CALHM3: variants seen among roughly 807,000 people sequenced by gnomAD.
The protein encoded by CALHM3 is calcium homeostasis modulator protein 3.
CALHM3 carries 9 observed loss-of-function variants against 13.6 expected under a neutral mutation model. The ratio of observed to expected loss-of-function variants is 0.66; its 90% CI spans 0.40 to 1.15. The LOEUF is 1.15. Ranked by LOEUF, CALHM3 falls within the 50% of genes most tolerant of loss-of-function variation. The probability of loss-of-function intolerance (pLI) is 0.01; values close to 1 mark genes in which losing one functional copy is unlikely to be tolerated. For missense variants in CALHM3, 497 were observed against 463.4 expected, an observed-to-expected ratio of 1.07 and a Z score of -0.67; for synonymous variants, 231 against 213.2, an observed-to-expected ratio of 1.08 and a Z score of -0.73.
chr10:103,473,668 C>G lies in CALHM3; in HGVS notation c.580G>C (p.Ala194Pro), dbSNP rs1212080204. The stretch of plus-strand genomic sequence containing the variant: ...CTCAGGCAGCGGGCCAGGAAGGCCG[C>G]GATGATCAGCAGCAGGGTGACGCTC... The part of the protein sequence containing the change: ...GWSVTLLLII[A>P]AFLARCLRPC... The change falls in exon 3 of 3, where the codon GCG becomes CCG. Residue 194 changes from alanine (A) to proline (P), a missense_variant. By Grantham distance (27) the Ala-to-Pro change is conservative. Coordinates refer to ENST00000369783, the MANE Select transcript of CALHM3 (RefSeq NM_001129742.2). 1.3e-6 allele frequency: 2 copies of G among 1,550,122 alleles called. No homozygotes were observed. Among genetic ancestry groups the G allele is most frequent in the Admixed American group, 2.0e-5 (1 of 50,964 alleles).
Position 103,476,545 on chromosome 10 carries a change from T to C in CALHM3, c.292A>G (p.Met98Val), listed in dbSNP as rs1394817335. ...GCCCTCTGCAGCACAGAGGAGCACA[T>C]GTACCTGGCAGCAGAGGAAGGAGGG... ...RRKDPGIIRYMCSSVLQRALA... is the reference protein window; with the variant it reads ...RRKDPGIIRYVCSSVLQRALA... The change falls in exon 2 of 3, where the codon ATG becomes GTG. Residue 98 changes from methionine (M) to valine (V), a missense_variant. Met to Val is a conservative substitution (Grantham distance 21). Transcript: ENST00000369783. 5 of 1,550,960 alleles carry C rather than the reference T, an allele frequency of 3.2e-6. No individual in the cohort carries two copies. The highest frequency in any genetic ancestry group is 1.4e-5 in the African/African-American group (1 of 72,972).
rs1199815809 is a variant in CALHM3 at position 103,474,245 on chromosome 10, CCTAT to C, written c.544-545_544-542del. 2.6e-5 allele frequency among the ~76,000 whole-genome samples: 4 copies of C among 152,202 alleles called. No homozygotes were observed. In the East Asian group the frequency reaches 7.7e-4, roughly 29 times the overall value. On this transcript the variant is annotated intron_variant, in intron 2 of 2. Coordinates refer to ENST00000369783, the MANE Select transcript of CALHM3 (RefSeq NM_001129742.2). ...ATCCACCCATTCAATCATCTCTCCA[CCTAT>C]CCAATCGTCCATCCTCTTGTCTTAC...
At chr10:103,477,391 T>C (rs1002047198) in intron 1 of CALHM3, among the ~76,000 whole-genome samples, 1 of 152,080 alleles carries the variant, frequency 6.6e-6, no homozygotes, top group Non-Finnish European at 1.5e-5. Context: ...CACAGCTGAA[T>C]TGCAGGGAGA....
chr10:103,475,914 T>G (rs2033382211), intron 2 of CALHM3, among the ~76,000 whole-genome samples: 1 of 152,168 alleles, frequency 6.6e-6, no homozygotes, highest in South Asian at 2.1e-4. Flanking sequence ...TGACACTCCT[T>G]CCGATCCCTG....
rs1157821124 is a variant in CALHM3, at chr10:103,473,634, A to T, written c.614T>A (p.Phe205Tyr). ...GCGCTGCAGGAAGACTGTCTGGTCG[A>T]AGCAGGGCCTCAGGCAGCGGGCCAG... ...AFLARCLRPC[F>Y]DQTVFLQRRY... The change falls in exon 3 of 3, where the codon TTC becomes TAC. Residue 205 changes from phenylalanine to tyrosine, a missense_variant. Physicochemically the swap from Phe to Tyr is conservative, Grantham distance 22. Transcript: ENST00000369783. The T allele has an allele frequency of 1.3e-6, 2 of 1,551,284 alleles. No individual in the cohort carries two copies. Among genetic ancestry groups the T allele is most frequent in the Non-Finnish European group, 1.7e-6 (2 of 1,147,008 alleles).
At chr10:103,474,662 C>T (rs1447737935) in intron 2 of CALHM3, among the ~76,000 whole-genome samples, 1 of 152,110 alleles carries the variant, frequency 6.6e-6, no homozygotes, top group Admixed American at 6.6e-5. Flanking sequence ...ACCATGTTGA[C>T]CAGGCTGTTC....
chr10:103,476,025 G>A (rs1299703709), intron 2 of CALHM3, among the ~76,000 whole-genome samples: 1 of 152,218 alleles, frequency 6.6e-6, no homozygotes, highest in Non-Finnish European at 1.5e-5. Context: ...GTTCCACAAA[G>A]TAAATGAAAT....
In CALHM3 at chr10:103,473,309, G is replaced by T. The variant is rs2033344141; in HGVS notation, c.939C>A (p.Asp313Glu). The T allele has an allele frequency of 1.3e-6, 2 of 1,492,178 alleles. No individual in the cohort carries two copies. The highest frequency in any genetic ancestry group is 1.8e-6 in the Non-Finnish European group (2 of 1,116,492). 92.4% of individuals were successfully genotyped at this position (1,492,178 alleles called of 1,614,324 possible). The change falls in exon 3 of 3, where the codon GAC becomes GAA. Residue 313 changes from aspartate (D) to glutamate (E), a missense_variant. Asp to Glu is a conservative substitution (Grantham distance 45). Coordinates refer to ENST00000369783, the MANE Select transcript of CALHM3 (RefSeq NM_001129742.2). ...STWYSSKPPLDLAASPGLCGG... is the reference protein window; with the variant it reads ...STWYSSKPPLELAASPGLCGG... ...CGCAGAGCCCGGGGGATGCAGCCAGGTCCAGCGGCGGCTTGCTGGAGTACC... is the reference window on the plus strand; with the variant it reads ...CGCAGAGCCCGGGGGATGCAGCCAGTTCCAGCGGCGGCTTGCTGGAGTACC...
chr10:103,477,067 T>C (rs2033398150), intron 1 of CALHM3, among the ~76,000 whole-genome samples: 1 of 151,992 alleles, frequency 6.6e-6, no homozygotes, highest in African/African-American at 2.4e-5. Context: ...CCTTAGGGGG[T>C]CCCCTGAAGG....
chr10:103,478,221 A>G (rs981641914), intron 1 of CALHM3, among the ~76,000 whole-genome samples: 5 of 152,144 alleles, frequency 3.3e-5, no homozygotes, highest in African/African-American at 1.2e-4. Flanking sequence ...CCCTTTTTTA[A>G]TCCAATTCTA....
chr10:103,476,179 T>A (rs1592163745), intron 2 of CALHM3, 115 bp downstream of exon 2: 9 of 1,408,986 alleles, frequency 6.4e-6, no homozygotes, highest in Non-Finnish European at 6.8e-6. Flanking sequence ...CCCTGCCTCC[T>A]GGGAATGGGC....
At chr10:103,477,359 C>T (rs1337684912) in intron 1 of CALHM3, among the ~76,000 whole-genome samples, 2 of 152,140 alleles carry the variant, frequency 1.3e-5, no homozygotes, top group Non-Finnish European at 2.9e-5. Flanking sequence ...AAGGACACAC[C>T]CAGTGCCTGT....
In CALHM3 at chr10:103,473,546, A is replaced by C; in HGVS notation, c.702T>G (p.His234Gln). The C allele has an allele frequency of 6.4e-7, 1 of 1,551,244 alleles. No homozygotes were observed. Among genetic ancestry groups the C allele is most frequent in the Non-Finnish European group, 8.7e-7 (1 of 1,147,022 alleles). Reference sequence around the variant, plus strand: ...CGCAGCGGTGCGCGAAGTCCCGCGCATGCTCACAGCAGGTCTCGTCGAAGA... The same window carrying C: ...CGCAGCGGTGCGCGAAGTCCCGCGCCTGCTCACAGCAGGTCTCGTCGAAGA... ...QKLFDETCCE[H>Q]ARDFAHRCVL... Residue 234 changes from histidine (H) to glutamine (Q), a missense_variant, in exon 3 of 3, where the codon CAT (histidine) becomes CAG (glutamine). His to Gln is a conservative substitution (Grantham distance 24, BLOSUM62 0). Transcript: ENST00000369783.
At position 103,478,700 on chromosome 10, in the gene CALHM3, A is replaced by C. The variant is rs1227362895; in HGVS notation, c.287+46T>G. 4.8e-6 allele frequency: 7 copies of C among 1,464,616 alleles called. No individual in the cohort carries two copies. In the Admixed American group the frequency reaches 1.7e-4, roughly 36 times the overall value. 90.7% of individuals were successfully genotyped at this position (1,464,616 alleles called of 1,614,324 possible). Reference sequence around the variant, plus strand: ...GACAGTGCCTGTGGGGTGGCTGGGGAGCCCCTGGCAAAGCTCATGGGTCAC... The same window carrying C: ...GACAGTGCCTGTGGGGTGGCTGGGGCGCCCCTGGCAAAGCTCATGGGTCAC... On this transcript the variant is annotated intron_variant, in intron 1 of 2. Transcript: ENST00000369783.
At chr10:103,476,187 G>A in intron 2 of CALHM3, 107 bp downstream of exon 2, 1 of 1,450,512 alleles carries the variant, frequency 6.9e-7, no homozygotes. Flanking sequence ...CCTGGGAATG[G>A]GCTGAGCCCA....
In CALHM3 at chr10:103,472,932, C is replaced by G. The variant is rs7069571; in HGVS notation, c.*281G>C. ...TCACTGACCAAAAGCACATCAGCCT[C>G]CAGGAGCTTGTTTAAAATGCAGAAT... is the stretch of plus-strand genomic sequence containing the variant. On this transcript the variant is annotated 3_prime_UTR_variant, in exon 3 of 3. Transcript: ENST00000369783. 3,626 of 361,050 alleles carry G rather than the reference C, an allele frequency of 0.01. 109 individuals are homozygous for G. Among genetic ancestry groups the G allele is most frequent in the African/African-American group, 0.07 (3,362 of 48,030 alleles). The allele number at this position is 361,050 out of a possible 1,614,324, so 22.4% of individuals were successfully genotyped here.
chr10:103,476,236 G>A, intron 2 of CALHM3, 58 bp downstream of exon 2: 1 of 1,544,110 alleles, frequency 6.5e-7, no homozygotes, highest in South Asian at 1.2e-5. Flanking sequence ...CCCCACTCCA[G>A]AACCAATGCG....
chr10:103,473,347 G>C lies in CALHM3; in HGVS notation c.901C>G (p.Leu301Val). The C allele has an allele frequency of 6.6e-7, 1 of 1,505,898 alleles. No homozygotes were observed. Among genetic ancestry groups the C allele is most frequent in the South Asian group, 1.3e-5 (1 of 77,114 alleles). 93.3% of individuals were successfully genotyped at this position (1,505,898 alleles called of 1,614,324 possible). A position where few individuals can be genotyped will look rare whatever the true frequency, so the allele number is the denominator to read the frequency against. ...AISSREQVDRLLSTWYSSKPP... is the reference protein window; with the variant it reads ...AISSREQVDRVLSTWYSSKPP... ...TTGCTGGAGTACCACGTGCTTAGGAGGCGGTCCACCTGCTCCCGGCTGGAG... is the reference window on the plus strand; with the variant it reads ...TTGCTGGAGTACCACGTGCTTAGGACGCGGTCCACCTGCTCCCGGCTGGAG... The change falls in exon 3 of 3, where the codon CTC becomes GTC. Residue 301 changes from leucine (L) to valine (V), a missense_variant. Transcript: ENST00000369783.
In CALHM3 at chr10:103,478,737, G is replaced by A. The variant is rs1311841570; in HGVS notation, c.287+9C>T. The A allele has an allele frequency of 1.3e-6, 2 of 1,513,420 alleles. No individual in the cohort carries two copies. The highest frequency in any genetic ancestry group is 2.5e-5 in the East Asian group (1 of 40,626). The allele number at this position is 1,513,420 out of a possible 1,614,324, so 93.7% of individuals were successfully genotyped here. ...AGCTCATGGGTCACTGAGTGGTGTG[G>A]GACCGCACCTGATGATGCCTGGGTC... is the stretch of plus-strand genomic sequence containing the variant. On this transcript the variant is annotated intron_variant, in intron 1 of 2. Transcript: ENST00000369783.
Sources: gnomAD v4.1 joint callset for allele counts (sites outside exome capture counted in the v4.1 genomes callset) on GRCh38, gnomAD v4.1.1 for gene constraint, MANE v1.5 for transcripts, NCBI Gene and HGNC (gene_info 2026-07-23, HGNC 2026-07-21) for gene names.